The following EGF variants were observed in gnomAD, a reference collection of about 807,000 sequenced individuals.
The protein encoded by EGF is pro-epidermal growth factor.
In EGF, 95 loss-of-function variants were observed where a neutral mutation model predicts 143.8. The ratio of observed to expected loss-of-function variants is 0.66; its 90% CI spans 0.56 to 0.78. EGF has a LOEUF of 0.78. Ranked by LOEUF, EGF falls within the 30% of genes least tolerant of loss-of-function variation. The pLI is 0.00. For missense variants in EGF, 1,320 were observed against 1,470.9 expected (o/e 0.90, Z 1.68); for synonymous variants, 510 against 510.5 (o/e 1.00, Z 0.01).
intron 1 of EGF, among the ~76,000 whole-genome samples, chr4:109,922,667 G>A (rs1185415861): frequency 6.6e-6 from 1 of 151,646 alleles, no homozygotes; most frequent in African/African-American, 2.4e-5. Context: ...ACGCTTGCTT[G>A]TTGCCTTACT....
intron 20 of EGF, among the ~76,000 whole-genome samples, chr4:109,997,159 T>C (rs1055395630): frequency 6.6e-6 from 1 of 152,142 alleles, no homozygotes; most frequent in African/African-American, 2.4e-5. Context: ...GAGTTGAAGC[T>C]GTCTTCTTGC....
chr4:109,930,454 T>C (rs976916498), intron 1 of EGF, among the ~76,000 whole-genome samples: 2 of 152,190 alleles, frequency 1.3e-5, no homozygotes, highest in Admixed American at 6.5e-5. Context: ...TTTCTCATGG[T>C]GTCACTGAAG....
chr4:109,943,966 A>T lies in EGF; in HGVS notation c.634A>T (p.Lys212Ter), dbSNP rs1461136157. The change falls in exon 4 of 24, where the codon AAG becomes TAG. Residue 212 changes from lysine to a stop codon, truncating the protein, a stop_gained. Coordinates refer to ENST00000265171, the MANE Select transcript of EGF (RefSeq NM_001963.6). LOFTEE classifies it high-confidence loss of function. ...ITAVSLDVLD[K>*]RLFWIQYNRE... ...AGCTGTGTCATTGGATGTGCTTGAT[A>T]AGCGGCTGTTTTGGATTCAGTACAA... 8.7e-6 allele frequency: 14 copies of T among 1,614,066 alleles called. No homozygotes were observed. In the Admixed American group the frequency reaches 2.3e-4, roughly 27 times the overall value.
In EGF at chr4:109,947,041, C is replaced by T. The variant is rs570662397; in HGVS notation, c.940+1766C>T. Among the ~76,000 whole-genome samples, 9 of 152,114 alleles carry T rather than the reference C, an allele frequency of 5.9e-5. No homozygotes were observed. In the East Asian group the frequency reaches 1.7e-3, roughly 29 times the overall value. ...GGCTGAGGCAGGAGGATCACTTGAACCCAGGAGGCAGAGGCCACAGTGAGC... is the reference window on the plus strand; with the variant it reads ...GGCTGAGGCAGGAGGATCACTTGAATCCAGGAGGCAGAGGCCACAGTGAGC... On this transcript the variant is annotated intron_variant, in intron 5 of 23. Coordinates refer to ENST00000265171, the MANE Select transcript of EGF (RefSeq NM_001963.6).
chr4:109,958,135 C>T lies in EGF; in HGVS notation c.941-1177C>T, dbSNP rs11568921. On this transcript the variant is annotated intron_variant, in intron 5 of 23. Transcript: ENST00000265171. Reference sequence around the variant, plus strand: ...GGTGTATTTGTATATAACCTAGCCACATCCTCCCATATACTTTAAATCATC... The same window carrying T: ...GGTGTATTTGTATATAACCTAGCCATATCCTCCCATATACTTTAAATCATC... 7.7e-3 allele frequency among the ~76,000 whole-genome samples: 1,172 copies of T among 152,314 alleles called. 17 individuals carry two copies. Among genetic ancestry groups the T allele is most frequent in the African/African-American group, 0.027 (1,116 of 41,566 alleles).
chr4:109,959,573 C>T (rs532558388), intron 6 of EGF, 136 bp downstream of exon 6: 75 of 1,325,968 alleles, frequency 5.7e-5, no homozygotes, highest in Non-Finnish European at 7.9e-5. Flanking sequence ...CCATTCTCCC[C>T]GTCCCCCACA....
chr4:109,939,124 A>G (rs1319636322), intron 1 of EGF, among the ~76,000 whole-genome samples: 1 of 152,238 alleles, frequency 6.6e-6, no homozygotes, highest in Non-Finnish European at 1.5e-5. Flanking sequence ...CCCTGCCTCC[A>G]GAGGTGGAAT....
chr4:109,989,130 G>A (rs1052606658), intron 18 of EGF, among the ~76,000 whole-genome samples: 1 of 152,194 alleles, frequency 6.6e-6, no homozygotes, highest in Non-Finnish European at 1.5e-5. Context: ...TGTGTATAAA[G>A]AAAAGGAGGT....
rs189619424 is a variant in EGF, at chr4:110,001,136, C to T, written c.3173+1290C>T. ...ATCCAAGTTAGTGTCTAAATAACAC[C>T]AGACATGTGTCCTAACCTCTGTATT... On this transcript the variant is annotated intron_variant, in intron 21 of 23. Coordinates refer to ENST00000265171, the MANE Select transcript of EGF (RefSeq NM_001963.6). 7.2e-5 allele frequency among the ~76,000 whole-genome samples: 11 copies of T among 152,290 alleles called. No homozygotes were observed. The East Asian group carries it at 2.1e-3, about 29-fold the overall frequency.
chr4:109,989,562 G>A (rs1195762976), intron 18 of EGF, among the ~76,000 whole-genome samples: 1 of 152,150 alleles, frequency 6.6e-6, no homozygotes, highest in African/African-American at 2.4e-5. Flanking sequence ...GAATCTGGTT[G>A]ATTTAAATCA....
At position 109,943,894 on chromosome 4, in the gene EGF, G is replaced by C. The variant is rs764312466; in HGVS notation, c.562G>C (p.Asp188His). 6.2e-7 allele frequency: 1 copy of C among 1,614,166 alleles called. No homozygotes were observed. Among genetic ancestry groups the C allele is most frequent in the South Asian group, 1.1e-5 (1 of 91,076 alleles). The change falls in exon 4 of 24, where the codon GAT becomes CAT. Residue 188 changes from aspartate to histidine, a missense_variant. Physicochemically the swap from Asp to His is moderately conservative, Grantham distance 81 (BLOSUM62 -1). This residue lies in a region of EGF where 1,186 missense variants were observed against 1,313.7 expected (regional missense o/e 0.90). Transcript: ENST00000265171. ...VAGSLYRADLDGVGVKALLET... is the reference protein window; with the variant it reads ...VAGSLYRADLHGVGVKALLET... ...TGGAAGCCTTTATAGAGCAGATCTC[G>C]ATGGTGTGGGAGTGAAGGCTCTGTT...
intron 18 of EGF, among the ~76,000 whole-genome samples, chr4:109,992,170 T>TAAAAAAAAAAAAAAAAAAAAA (rs58841408): frequency 1.5e-5 from 1 of 65,638 alleles, no homozygotes; most frequent in African/African-American, 6.9e-5. Flanking sequence ...CAAGATTCTT[T>TAAAAAAAAAAAAAAAAAAAAA]AAAAAAAAAA....
At chr4:109,931,379 C>T (rs369590385) in intron 1 of EGF, among the ~76,000 whole-genome samples, 70 of 152,068 alleles carry the variant, frequency 4.6e-4, no homozygotes, top group Non-Finnish European at 6.9e-4. Flanking sequence ...GAAAAATAAA[C>T]GGTGCTTTGA....
rs1334704817 is a variant in EGF, at chr4:109,919,323, C to CA, written c.127+5861_127+5862insA. On this transcript the variant is annotated intron_variant, in intron 1 of 23. Coordinates refer to ENST00000265171, the MANE Select transcript of EGF (RefSeq NM_001963.6). ...TCTCTCTCTCTCTCTCTCTCTCTCT[C>CA]TCTCTCTCTCTCTCTCTCATCTCTC... is the stretch of plus-strand genomic sequence containing the variant. Among the ~76,000 whole-genome samples the CA allele has an allele frequency of 7.2e-5, 8 of 110,462 alleles. No homozygotes were observed. In the East Asian group the frequency reaches 2.2e-3, roughly 30 times the overall value. 72.5% of individuals were successfully genotyped at this position (110,462 alleles called of 152,430 possible).
intron 10 of EGF, among the ~76,000 whole-genome samples, chr4:109,967,679 A>G (rs895442243): frequency 3.9e-5 from 6 of 152,166 alleles, no homozygotes; most frequent in African/African-American, 1.4e-4. Flanking sequence ...TAGGCTGCAT[A>G]CTAGACTGTA....
chr4:110,010,476 G>A (rs1753854091), intron 23 of EGF, among the ~76,000 whole-genome samples: 1 of 152,000 alleles, frequency 6.6e-6, no homozygotes, highest in African/African-American at 2.4e-5. Flanking sequence ...TTTAAGTCAA[G>A]GTCCTACTCT....
At chr4:110,008,130 C>T (rs762652781) in intron 22 of EGF, 22 bp from the exon 23 acceptor site, 3 of 1,601,412 alleles carry the variant, frequency 1.9e-6, no homozygotes, top group East Asian at 4.5e-5. Context: ...TATCCTCTCT[C>T]CCTCCTTTTT....
At chr4:110,005,319 T>A (rs1232093914) in intron 22 of EGF, among the ~76,000 whole-genome samples, 1 of 152,072 alleles carries the variant, frequency 6.6e-6, no homozygotes, top group Non-Finnish European at 1.5e-5. Flanking sequence ...GTGCTGGAAT[T>A]GCAGGCATGA....
chr4:109,923,646 G>T lies in EGF; in HGVS notation c.127+10184G>T, dbSNP rs906817457. Among the ~76,000 whole-genome samples the T allele has an allele frequency of 9.3e-5, 14 of 151,328 alleles. 1 individual carries two copies. The highest frequency in any genetic ancestry group is 3.4e-4 in the African/African-American group (14 of 40,724). ...TATTTTTATTATTTTTTGAGACAGG[G>T]TCTCACTCTTGTCACCCAGGCTGGA... On this transcript the variant is annotated intron_variant, in intron 1 of 23. Coordinates refer to ENST00000265171, the MANE Select transcript of EGF (RefSeq NM_001963.6).
Sources: allele counts gnomAD v4.1 joint callset (sites outside exome capture counted in the v4.1 genomes callset), GRCh38; gene constraint gnomAD v4.1.1; regional missense constraint gnomAD v4.1.1; transcripts MANE v1.5; gene names NCBI Gene and HGNC (gene_info 2026-07-23, HGNC 2026-07-21).